USP25: variants seen among roughly 807,000 people sequenced by gnomAD.
USP25 encodes the protein ubiquitin carboxyl-terminal hydrolase 25.
USP25 carries 85 observed loss-of-function variants against 158.5 expected under a neutral mutation model. The ratio of observed to expected loss-of-function variants is 0.54; its 90% confidence interval spans 0.45 to 0.64. USP25 has a LOEUF of 0.64. Among genes scored for constraint, USP25 ranks in the 30% least tolerant of loss-of-function variants. The pLI, the probability that USP25 is intolerant of heterozygous loss-of-function variation, is 0.00. For missense variants in USP25, 1,242 were observed against 1,327.3 expected (o/e 0.94, Z 1.00); for synonymous variants, 464 against 460.4 (o/e 1.01, Z -0.10).
Position 15,830,608 on chromosome 21 carries a change from G to A in USP25, c.1764+7G>A, listed in dbSNP as rs759086278. ...TGACAAATCTATGATACAAGTAAGT[G>A]AAATTTTGAGCTAGTAATCATTGTC... On this transcript the variant is annotated splice_region_variant and intron_variant, in intron 15 of 25. Coordinates refer to ENST00000400183, the MANE Select transcript of USP25 (RefSeq NM_001283041.3). 1 of 1,573,612 alleles carries A rather than the reference G, an allele frequency of 6.4e-7. No homozygotes were observed. The highest frequency in any genetic ancestry group is 8.6e-7 in the Non-Finnish European group (1 of 1,157,592).
At chr21:15,745,755 C>G (rs1001025467) in intron 1 of USP25, among the ~76,000 whole-genome samples, 2 of 152,134 alleles carry the variant, frequency 1.3e-5, no homozygotes, top group African/African-American at 4.8e-5. Context: ...GGATTACAGG[C>G]GTGAGCCACC....
chr21:15,741,375 C>T (rs2032043803), intron 1 of USP25, among the ~76,000 whole-genome samples: 2 of 149,488 alleles, frequency 1.3e-5, no homozygotes, highest in Admixed American at 1.3e-4. Context: ...TTCTATTTCT[C>T]TTGGGCAAAT....
At chr21:15,851,536 T>G (rs1024841626) in intron 20 of USP25, among the ~76,000 whole-genome samples, 3 of 151,856 alleles carry the variant, frequency 2.0e-5, no homozygotes, top group African/African-American at 7.3e-5. Context: ...ACGTAAAATC[T>G]TGTAATTTTG....
chr21:15,753,066 G>A (rs465954), intron 1 of USP25, among the ~76,000 whole-genome samples: 151,725 of 152,306 alleles, frequency 1, 75,575 homozygotes, highest in Middle Eastern at 1. Flanking sequence ...TATTCTTTAG[G>A]GCATTGTTGC....
intron 3 of USP25, among the ~76,000 whole-genome samples, chr21:15,775,631 C>T (rs2034595783): frequency 1.3e-5 from 2 of 151,434 alleles, no homozygotes; most frequent in Middle Eastern, 6.8e-3. Context: ...TATTCCATCT[C>T]TTGACATTCT....
chr21:15,820,184 G>A (rs189220722), intron 10 of USP25, among the ~76,000 whole-genome samples: 7 of 152,130 alleles, frequency 4.6e-5, no homozygotes, highest in African/African-American at 9.6e-5. Context: ...CTTAAAATCC[G>A]ATCTGTTTGC....
At chr21:15,785,315 T>C (rs946651943) in intron 4 of USP25, among the ~76,000 whole-genome samples, 2 of 152,194 alleles carry the variant, frequency 1.3e-5, no homozygotes, top group African/African-American at 4.8e-5. Flanking sequence ...GACTTCAGCA[T>C]CCCACTTTTA....
At chr21:15,787,365 A>G (rs2035337533) in intron 4 of USP25, among the ~76,000 whole-genome samples, 1 of 152,118 alleles carries the variant, frequency 6.6e-6, no homozygotes, top group Admixed American at 6.6e-5. Flanking sequence ...CTGCTAGAAT[A>G]TAGTAACCAA....
At chr21:15,867,909 A>G (rs1193970315) in intron 22 of USP25, among the ~76,000 whole-genome samples, 2 of 152,160 alleles carry the variant, frequency 1.3e-5, no homozygotes, top group African/African-American at 4.8e-5. Context: ...GATATTATTA[A>G]TATATAGATA....
intron 2 of USP25, among the ~76,000 whole-genome samples, chr21:15,764,769 A>G (rs1201697974): frequency 6.6e-6 from 1 of 152,062 alleles, no homozygotes; most frequent in African/African-American, 2.4e-5. Flanking sequence ...TACATTTTGG[A>G]TGAGTCACTT....
chr21:15,765,875 T>C, intron 2 of USP25, 122 bp from the exon 3 acceptor site: 1 of 882,370 alleles, frequency 1.1e-6, no homozygotes, highest in Non-Finnish European at 1.7e-6. Flanking sequence ...TAGAATCACA[T>C]ATAGATTAAT....
intron 18 of USP25, among the ~76,000 whole-genome samples, chr21:15,847,074 T>C (rs1447211707): frequency 3.3e-5 from 5 of 152,120 alleles, no homozygotes; most frequent in African/African-American, 1.2e-4. Context: ...ATATAATAAG[T>C]TAAACAAAAT....
At chr21:15,784,178 A>G (rs2049944466) in intron 4 of USP25, among the ~76,000 whole-genome samples, 1 of 152,252 alleles carries the variant, frequency 6.6e-6, no homozygotes, top group African/African-American at 2.4e-5. Flanking sequence ...CCAGTGCTGT[A>G]ATGGTGCTGT....
intron 2 of USP25, among the ~76,000 whole-genome samples, chr21:15,764,919 A>T (rs1432792889): frequency 6.6e-6 from 1 of 152,098 alleles, no homozygotes; most frequent in Non-Finnish European, 1.5e-5. Flanking sequence ...CCAGCTGCTC[A>T]GTCCTTAAAT....
At chr21:15,799,142 G>C (rs2036006297) in intron 5 of USP25, among the ~76,000 whole-genome samples, 2 of 151,082 alleles carry the variant, frequency 1.3e-5, no homozygotes, top group South Asian at 4.1e-4. Context: ...TATGATGATA[G>C]TAAATGGTTG....
chr21:15,803,109 AGGAACT>A (rs1476826270), intron 6 of USP25, among the ~76,000 whole-genome samples: 2 of 151,694 alleles, frequency 1.3e-5, no homozygotes, highest in Admixed American at 6.6e-5. Flanking sequence ...ATTATATTAA[AGGAACT>A]GGAACCTGTC....
In USP25 at chr21:15,822,128, A is replaced by G. The variant is rs2037266064; in HGVS notation, c.1081-1911A>G. On this transcript the variant is annotated intron_variant, in intron 10 of 25. Coordinates refer to ENST00000400183, the MANE Select transcript of USP25 (RefSeq NM_001283041.3). Reference sequence around the variant, plus strand: ...AGATATAGTTTTTTGTTGAATGGAAATATTTTTTTGAAAGAAAAATTTCTC... The same window carrying G: ...AGATATAGTTTTTTGTTGAATGGAAGTATTTTTTTGAAAGAAAAATTTCTC... Among the ~76,000 whole-genome samples the G allele has an allele frequency of 2.0e-5, 3 of 152,036 alleles. No homozygotes were observed. The East Asian group carries it at 5.8e-4, about 29-fold the overall frequency.
At chr21:15,838,964 GAGTTGTCTTCTATAAC>G (rs1490703412) in intron 17 of USP25, among the ~76,000 whole-genome samples, 1 of 152,120 alleles carries the variant, frequency 6.6e-6, no homozygotes, top group Non-Finnish European at 1.5e-5. Context: ...TCAGAATGTT[GAGTTGTCTTCTATAAC>G]AGCTAGAGAA....
intron 5 of USP25, among the ~76,000 whole-genome samples, chr21:15,797,200 A>T (rs1600943432): frequency 6.6e-6 from 1 of 151,508 alleles, no homozygotes; most frequent in African/African-American, 2.4e-5. Context: ...AGTAAAAGGA[A>T]ATAGGGCAAA....
Sources: gnomAD v4.1 joint callset for allele counts (sites outside exome capture counted in the v4.1 genomes callset) on GRCh38, gnomAD v4.1.1 for gene constraint, MANE v1.5 for transcripts, NCBI Gene and HGNC (gene_info 2026-07-23, HGNC 2026-07-21) for gene names.